The following FRG1 variants were observed in gnomAD, a reference collection of about 807,000 sequenced individuals.
FRG1 encodes FSHD region gene 1.
Under a neutral mutation model 37.0 loss-of-function variants are expected in FRG1, and 19 were observed. The observed-to-expected ratio is 0.51, with a 90% CI of 0.36 to 0.75. The LOEUF (loss-of-function observed/expected upper bound fraction) is 0.75. FRG1 is among the 30% of genes least tolerant of loss of function. The probability of loss-of-function intolerance (pLI) is 0.00; values close to 1 mark genes in which losing one functional copy is unlikely to be tolerated. For missense variants in FRG1, 243 were observed against 301.4 expected (o/e 0.81, Z 1.44); for synonymous variants, 73 against 96.5 (o/e 0.76, Z 1.43).
chr4:189,950,152 T>G lies in FRG1; in HGVS notation c.134-2010T>G, dbSNP rs1579627281. On this transcript the variant is annotated intron_variant, in intron 2 of 8. Transcript: ENST00000226798. ...GTGACTAGTGATGTTGAGCGTCTTT[T>G]CAAGTGCTTATTGGCCATTTGTATA... 2.0e-5 allele frequency among the ~76,000 whole-genome samples: 3 copies of G among 152,366 alleles called. No individual in the cohort carries two copies. The South Asian group carries it at 6.2e-4, about 32-fold the overall frequency.
In FRG1 at chr4:189,960,722, A is replaced by C. The variant is rs576601494; in HGVS notation, c.538-26A>C. On this transcript the variant is annotated intron_variant, in intron 6 of 8. Coordinates refer to ENST00000226798, the MANE Select transcript of FRG1 (RefSeq NM_004477.3). ...AAGGTGGAAGATAAACATATAACCC[A>C]TTGGATTCTCTTTTCCAATATCTAG... 35 of 1,553,816 alleles carry C rather than the reference A, an allele frequency of 2.3e-5. No homozygotes were observed. In the South Asian group the frequency reaches 4.1e-4, roughly 18 times the overall value.
chr4:189,951,218 G>A (rs141127763), intron 2 of FRG1, among the ~76,000 whole-genome samples: 1 of 152,066 alleles, frequency 6.6e-6, no homozygotes, highest in African/African-American at 2.4e-5. Context: ...GGCCAGGCGC[G>A]GTGGCTCACA....
In FRG1 at chr4:189,954,897, C is replaced by A. The variant is rs569813671; in HGVS notation, c.318-140C>A. The A allele has an allele frequency of 3.0e-4, 171 of 574,516 alleles. 4 individuals are homozygous for A. The South Asian group carries it at 4.1e-3, about 14-fold the overall frequency. The allele number at this position is 574,516 out of a possible 1,614,324, so 35.6% of individuals were successfully genotyped here. A position where few individuals can be genotyped will look rare whatever the true frequency, so the allele number is the denominator to read the frequency against. ...GAGTGAGTCACCACTCAGCCACATG[C>A]AGCTTTTGAAGACTTGGAATATGTG... On this transcript the variant is annotated intron_variant, in intron 4 of 8. Coordinates refer to ENST00000226798, the MANE Select transcript of FRG1 (RefSeq NM_004477.3).
At chr4:189,953,407 C>T (rs1422477209) in intron 4 of FRG1, among the ~76,000 whole-genome samples, 7 of 152,046 alleles carry the variant, frequency 4.6e-5, no homozygotes, top group Non-Finnish European at 8.8e-5. Flanking sequence ...ACCTGGTTCA[C>T]TGTTGCTGTG....
At chr4:189,945,310 A>G (rs1410136723) in intron 2 of FRG1, among the ~76,000 whole-genome samples, 2 of 152,226 alleles carry the variant, frequency 1.3e-5, no homozygotes, top group African/African-American at 2.4e-5. Context: ...AGTCATGAGA[A>G]TGGGCATAAT....
intron 1 of FRG1, chr4:189,941,716 A>G (rs199542523): frequency 3.8e-6 from 1 of 266,040 alleles, no homozygotes; most frequent in South Asian, 3.3e-5. Flanking sequence ...ATGAGAGAAC[A>G]TATATGCAGA....
intron 5 of FRG1, among the ~76,000 whole-genome samples, 193 bp downstream of exon 5, chr4:189,955,344 T>A (rs1038238528): frequency 6.6e-6 from 1 of 152,202 alleles, no homozygotes; most frequent in Non-Finnish European, 1.5e-5. Context: ...ATTAGTCCTT[T>A]TGCCCACAAT....
intron 4 of FRG1, 94 bp downstream of exon 4, chr4:189,953,219 G>A: frequency 1.4e-6 from 2 of 1,414,414 alleles, no homozygotes; most frequent in Non-Finnish European, 1.9e-6. Flanking sequence ...AGCCCACAGG[G>A]TAATTTTGAT....
At chr4:189,957,235 T>G (rs1274562308) in intron 5 of FRG1, among the ~76,000 whole-genome samples, 163 bp from the exon 6 acceptor site, 3 of 152,240 alleles carry the variant, frequency 2.0e-5, no homozygotes, top group African/African-American at 7.2e-5. Flanking sequence ...TAGGTGATTT[T>G]GGTTTCTTTT....
chr4:189,954,590 TTTTTC>T (rs1457136019), intron 4 of FRG1, among the ~76,000 whole-genome samples: 1 of 135,446 alleles, frequency 7.4e-6, no homozygotes, highest in African/African-American at 2.7e-5. Context: ...ACATGTAGCT[TTTTTC>T]TTTTTTTTTT....
chr4:189,943,248 G>A lies in FRG1; in HGVS notation c.109G>A (p.Glu37Lys). The A allele has an allele frequency of 6.2e-7, 1 of 1,609,028 alleles. No individual in the cohort carries two copies. The highest frequency in any genetic ancestry group is 8.5e-7 in the Non-Finnish European group (1 of 1,177,686). The change falls in exon 2 of 9, where the codon GAA (glutamate) becomes AAA (lysine). Residue 37 changes from glutamate (E) to lysine (K), a missense_variant. Transcript: ENST00000226798. ...KDKKRKREED[E>K]ETQLDIVGIW... ...TAAGAAAAGAAAAAGAGAAGAAGATGAAGAAACCCAGCTTGATATTGTTGG... is the reference window on the plus strand; with the variant it reads ...TAAGAAAAGAAAAAGAGAAGAAGATAAAGAAACCCAGCTTGATATTGTTGG...
At chr4:189,944,124 T>C (rs1186784658) in intron 2 of FRG1, among the ~76,000 whole-genome samples, 1 of 152,194 alleles carries the variant, frequency 6.6e-6, no homozygotes, top group East Asian at 1.9e-4. Flanking sequence ...GTGTTATCAG[T>C]CTTTTCTCCC....
At chr4:189,962,468 T>A (rs1467144264) in intron 8 of FRG1, among the ~76,000 whole-genome samples, 3 of 152,312 alleles carry the variant, frequency 2.0e-5, no homozygotes, top group African/African-American at 7.2e-5. Context: ...GACGTTTAGC[T>A]GTGAGTGTAC....
At chr4:189,943,536 T>C (rs1044294824) in intron 2 of FRG1, among the ~76,000 whole-genome samples, 4 of 152,238 alleles carry the variant, frequency 2.6e-5, no homozygotes, top group African/African-American at 7.2e-5. Flanking sequence ...TTCTAATACA[T>C]AATTTTAAAG....
chr4:189,951,372 C>A (rs978586677), intron 2 of FRG1, among the ~76,000 whole-genome samples: 1 of 151,694 alleles, frequency 6.6e-6, no homozygotes, highest in Non-Finnish European at 1.5e-5. Flanking sequence ...GCGCCTGTAA[C>A]CCCAGCTACT....
intron 2 of FRG1, among the ~76,000 whole-genome samples, chr4:189,946,709 T>A (rs545144066): frequency 6.6e-6 from 1 of 152,218 alleles, no homozygotes; most frequent in African/African-American, 2.4e-5. Flanking sequence ...TAATTTCTAC[T>A]ACATAGAGAT....
intron 6 of FRG1, among the ~76,000 whole-genome samples, chr4:189,958,663 T>C (rs1322710048): frequency 1.3e-5 from 2 of 152,260 alleles, no homozygotes; most frequent in Non-Finnish European, 2.9e-5. Flanking sequence ...TTGTTTTACA[T>C]CATTGTAAAA....
At chr4:189,942,671 TGTAA>T (rs1196467556) in intron 1 of FRG1, among the ~76,000 whole-genome samples, 5 of 152,246 alleles carry the variant, frequency 3.3e-5, no homozygotes, top group Non-Finnish European at 5.9e-5. Flanking sequence ...AATATTCTTA[TGTAA>T]GTATTTTTGT....
At position 189,943,090 on chromosome 4, in the gene FRG1, A is replaced by T. The variant is rs1189879399; in HGVS notation, c.63-112A>T. ...GGGCATATCAATGTAAGTCTTCCTA[A>T]ATCAATAATTTATAAATGAAACAGC... On this transcript the variant is annotated intron_variant, in intron 1 of 8. Transcript: ENST00000226798. 3.3e-6 allele frequency: 4 copies of T among 1,230,476 alleles called. No individual in the cohort carries two copies. In the African/African-American group the frequency reaches 4.6e-5, roughly 14 times the overall value. 76.2% of individuals were successfully genotyped at this position (1,230,476 alleles called of 1,614,324 possible).
Sources: allele counts gnomAD v4.1 joint callset (sites outside exome capture counted in the v4.1 genomes callset), GRCh38; gene constraint gnomAD v4.1.1; transcripts MANE v1.5; gene names NCBI Gene and HGNC (gene_info 2026-07-23, HGNC 2026-07-21).